The following EFCAB9 variants were observed in gnomAD, a reference collection of about 807,000 sequenced individuals.
EFCAB9 encodes EF-hand calcium-binding domain-containing protein 9.
EFCAB9 carries 16 observed loss-of-function variants against 15.6 expected under a neutral mutation model. That is an observed-to-expected ratio of 1.03 (90% CI 0.69 to 1.56). EFCAB9 has a LOEUF of 1.56. Among genes scored for constraint, EFCAB9 ranks in the 40% most tolerant of loss-of-function variants. The pLI is 0.00. For missense variants in EFCAB9, 208 were observed against 235.4 expected (o/e 0.88, Z 0.76); for synonymous variants, 76 against 85.4 (o/e 0.89, Z 0.61).
chr5:172,194,290 G>A lies in EFCAB9; in HGVS notation c.118G>A (p.Gly40Ser), dbSNP rs780118519. 108 of 1,537,706 alleles carry A rather than the reference G, an allele frequency of 7.0e-5. No individual in the cohort carries two copies. The highest frequency in any genetic ancestry group is 8.4e-5 in the Non-Finnish European group (96 of 1,147,054). ...AEYFHILDVH[G>S]KNTLNDVLFY... is the part of the protein sequence containing the mutation. Reference sequence around the variant, plus strand: ...ATATTTTCATATTCTGGACGTGCACGGCAAGAACACCTTGAATGGTCAGTA... The same window carrying A: ...ATATTTTCATATTCTGGACGTGCACAGCAAGAACACCTTGAATGGTCAGTA... Residue 40 changes from glycine (G) to serine (S), a missense_variant, in exon 1 of 4, where the codon GGC becomes AGC. Transcript: ENST00000398186.
rs577646064 is a variant in EFCAB9, at chr5:172,195,307, T to C, written c.136+999T>C. ...TTTTTAGGACTGAGTAGAAATAAGGTATCCTATCCATTCACTCGTTCTGAC... is the reference window on the plus strand; with the variant it reads ...TTTTTAGGACTGAGTAGAAATAAGGCATCCTATCCATTCACTCGTTCTGAC... On this transcript the variant is annotated intron_variant, in intron 1 of 3. Coordinates refer to ENST00000398186, the MANE Select transcript of EFCAB9 (RefSeq NM_001171183.2). Among the ~76,000 whole-genome samples the C allele has an allele frequency of 9.9e-5, 15 of 152,258 alleles. No individual in the cohort carries two copies. The South Asian group carries it at 2.9e-3, about 29-fold the overall frequency.
At chr5:172,199,279 A>T (rs1397264707) in intron 1 of EFCAB9, 104 bp from the exon 2 acceptor site, 9 of 1,315,906 alleles carry the variant, frequency 6.8e-6, no homozygotes, top group Non-Finnish European at 9.3e-6. Context: ...TTCTTCCTAG[A>T]TCAATAAGCT....
chr5:172,199,882 A>T (rs1284449769), intron 2 of EFCAB9, among the ~76,000 whole-genome samples: 1 of 146,474 alleles, frequency 6.8e-6, no homozygotes, highest in African/African-American at 2.5e-5. Context: ...GAACCTTCTG[A>T]GGTCTTTTCT....
At chr5:172,197,865 C>T (rs1049323650) in intron 1 of EFCAB9, among the ~76,000 whole-genome samples, 8 of 152,174 alleles carry the variant, frequency 5.3e-5, no homozygotes, top group Non-Finnish European at 1.2e-4. Flanking sequence ...TCCCTGCCCA[C>T]GTCCTGCTGA....
In EFCAB9 at chr5:172,203,246, A is replaced by C; in HGVS notation, c.495A>C (p.Thr165=). 3 of 1,535,584 alleles carry C rather than the reference A, an allele frequency of 2.0e-6. No homozygotes were observed. The highest frequency in any genetic ancestry group is 2.6e-6 in the Non-Finnish European group (3 of 1,146,172). Residue 165 remains threonine (T), a synonymous_variant, in exon 4 of 4, where the codon ACA becomes ACC. Transcript: ENST00000398186. ...ATTATCAGGAATTTAAGCTGTATAC[A>C]ATCATCTACACTGACAAATTACAGA... ...RLNYQEFKLY[T]IIYTDKLQKR... is the part of the protein sequence containing the mutation.
intron 1 of EFCAB9, among the ~76,000 whole-genome samples, chr5:172,197,722 G>A (rs1771184902): frequency 6.6e-6 from 1 of 152,178 alleles, no homozygotes; most frequent in Admixed American, 6.5e-5. Flanking sequence ...CTTAAAGGTG[G>A]CACAGACCCA....
intron 2 of EFCAB9, 124 bp downstream of exon 2, chr5:172,199,655 T>C: frequency 7.2e-7 from 1 of 1,380,856 alleles, no homozygotes; most frequent in Non-Finnish European, 9.6e-7. Flanking sequence ...GAAAATGAGT[T>C]TTGGTTCCCG....
intron 1 of EFCAB9, among the ~76,000 whole-genome samples, chr5:172,196,149 T>A (rs10062278): frequency 6.6e-6 from 1 of 151,646 alleles, no homozygotes; most frequent in Non-Finnish European, 1.5e-5. Flanking sequence ...TGTTAAGTAA[T>A]TACTAAGTTG....
At chr5:172,197,836 G>T (rs980225420) in intron 1 of EFCAB9, among the ~76,000 whole-genome samples, 2 of 152,184 alleles carry the variant, frequency 1.3e-5, no homozygotes, top group Non-Finnish European at 2.9e-5. Flanking sequence ...GGGGTGGCCA[G>T]CTTTTATTCC....
intron 1 of EFCAB9, among the ~76,000 whole-genome samples, chr5:172,195,335 CAG>C: frequency 6.6e-6 from 1 of 152,260 alleles, no homozygotes; most frequent in Non-Finnish European, 1.5e-5. Flanking sequence ...GTTCTGACCT[CAG>C]AGAGAGAAAT....
chr5:172,202,600 C>T (rs1042614670), intron 3 of EFCAB9, among the ~76,000 whole-genome samples: 6 of 151,614 alleles, frequency 4.0e-5, no homozygotes, highest in East Asian at 1.9e-4. Context: ...CCCAGTTACT[C>T]GGGAGGCTGA....
rs1771197513 is a variant in EFCAB9 at position 172,198,398 on chromosome 5, A to G, written c.137-985A>G. 2.0e-5 allele frequency among the ~76,000 whole-genome samples: 3 copies of G among 152,092 alleles called. No individual in the cohort carries two copies. The South Asian group carries it at 6.2e-4, about 32-fold the overall frequency. On this transcript the variant is annotated intron_variant, in intron 1 of 3. Coordinates refer to ENST00000398186, the MANE Select transcript of EFCAB9 (RefSeq NM_001171183.2). ...GTGGCATGCACCTGTGGTCCCAGCT[A>G]CTTGGGAGGCTGGGGTGGGAGGATC...
At chr5:172,200,849 A>G in intron 3 of EFCAB9, 107 bp downstream of exon 3, 1 of 1,119,022 alleles carries the variant, frequency 8.9e-7, no homozygotes, top group Non-Finnish European at 1.2e-6. Context: ...AGGGAGGGAA[A>G]AACCTACTCA....
chr5:172,200,542 T>G (rs1771239347), intron 2 of EFCAB9, 24 bp from the exon 3 acceptor site: 14 of 1,526,756 alleles, frequency 9.2e-6, no homozygotes, highest in Non-Finnish European at 1.2e-5. Context: ...CTGTTGCTCA[T>G]CTCACCTATT....
intron 1 of EFCAB9, among the ~76,000 whole-genome samples, chr5:172,198,702 C>T (rs1352513184): frequency 2.0e-5 from 3 of 152,102 alleles, no homozygotes; most frequent in East Asian, 1.9e-4. Flanking sequence ...CTGCAACCTC[C>T]GCCTCCCGGG....
At chr5:172,196,581 G>GGTC (rs1339052875) in intron 1 of EFCAB9, among the ~76,000 whole-genome samples, 1 of 151,992 alleles carries the variant, frequency 6.6e-6, no homozygotes, top group Non-Finnish European at 1.5e-5. Flanking sequence ...TCTCCATGTT[G>GGTC]GTCAGGCTGG....
chr5:172,200,721 CT>C lies in EFCAB9; in HGVS notation c.444del (p.Phe148LeufsTer71). The C allele has an allele frequency of 6.5e-7, 1 of 1,537,338 alleles. No individual in the cohort carries two copies. The highest frequency in any genetic ancestry group is 8.7e-7 in the Non-Finnish European group (1 of 1,146,772). ...KQELKDLFRD[F>X]DITGDNRLNY... ...AGGAACTCAAAGATCTCTTCCGTGA[CT>C]TTGACATTACAGGTGACAATGTAAG... is the stretch of plus-strand genomic sequence containing the variant. On this transcript the variant is annotated frameshift_variant, in exon 3 of 4. Coordinates refer to ENST00000398186, the MANE Select transcript of EFCAB9 (RefSeq NM_001171183.2). LOFTEE classifies it low-confidence loss of function (END_TRUNC).
intron 1 of EFCAB9, among the ~76,000 whole-genome samples, chr5:172,194,784 G>A (rs1771130365): frequency 6.6e-6 from 1 of 152,118 alleles, no homozygotes; most frequent in Admixed American, 6.5e-5. Flanking sequence ...CAGCCGGGAG[G>A]AGAAAATTGC....
intron 3 of EFCAB9, among the ~76,000 whole-genome samples, chr5:172,201,151 G>A (rs1771250617): frequency 6.6e-6 from 1 of 152,076 alleles, no homozygotes; most frequent in Admixed American, 6.6e-5. Context: ...CGAGGTGGGT[G>A]GATCACCTGA....
Sources: gnomAD v4.1 joint callset for allele counts (sites outside exome capture counted in the v4.1 genomes callset) on GRCh38, gnomAD v4.1.1 for gene constraint, MANE v1.5 for transcripts, NCBI Gene and HGNC (gene_info 2026-07-23, HGNC 2026-07-21) for gene names.